GPD2: variants seen among roughly 807,000 people sequenced by gnomAD.
GPD2 encodes glycerol-3-phosphate dehydrogenase 2.
In GPD2, 54 loss-of-function variants were observed where a neutral mutation model predicts 82.4. That is an observed-to-expected ratio of 0.66 (90% CI 0.53 to 0.82). The LOEUF (loss-of-function observed/expected upper bound fraction) is 0.82, where lower values mean the gene tolerates loss of function less well. Among genes scored for constraint, GPD2 ranks in the 40% least tolerant of loss-of-function variants. The pLI is 0.00. For missense variants in GPD2, 748 were observed against 896.2 expected (o/e 0.83, Z 2.11); for synonymous variants, 288 against 306.1 (o/e 0.94, Z 0.62).
intron 6 of GPD2, among the ~76,000 whole-genome samples, chr2:156,544,219 C>G (rs1686437527): frequency 6.6e-6 from 1 of 152,110 alleles, no homozygotes. Context: ...GGCTTTAGCT[C>G]AGGGGGCTAC....
intron 1 of GPD2, among the ~76,000 whole-genome samples, chr2:156,437,955 C>G (rs1476914412): frequency 6.6e-6 from 1 of 152,132 alleles, no homozygotes; most frequent in Non-Finnish European, 1.5e-5. Context: ...TAACTCTGAA[C>G]TTATCCTGTT....
At position 156,569,681 on chromosome 2, in the gene GPD2, A is replaced by G. The variant is rs909192712; in HGVS notation, c.1476+143A>G. On this transcript the variant is annotated intron_variant, in intron 11 of 16. Transcript: ENST00000438166. ...TGCCAGTCTGTTATGGAAGGAAAAAAAGATGATCTTGCTTTGCTTTACTTG... is the reference window on the plus strand; with the variant it reads ...TGCCAGTCTGTTATGGAAGGAAAAAGAGATGATCTTGCTTTGCTTTACTTG... The G allele has an allele frequency of 1.6e-5, 12 of 733,368 alleles. No individual in the cohort carries two copies. The Admixed American group carries it at 2.5e-4, about 15-fold the overall frequency. The allele number at this position is 733,368 out of a possible 1,614,324, so 45.4% of individuals were successfully genotyped here.
At chr2:156,523,175 A>G (rs1031581679) in intron 6 of GPD2, among the ~76,000 whole-genome samples, 3 of 152,158 alleles carry the variant, frequency 2.0e-5, no homozygotes, top group Admixed American at 6.5e-5. Flanking sequence ...ATATAATGAT[A>G]TGTATCCACC....
At chr2:156,401,768 C>T in the GPD2 span, among the ~76,000 whole-genome samples, 2 of 152,120 alleles carry the variant, frequency 1.3e-5, no homozygotes, top group Non-Finnish European at 2.9e-5. Context: ...TCATTTAAGA[C>T]CCCTTTTAAC....
chr2:156,489,691 C>CCTTCCTTCCTTCCTTCCTTCCTTCCTT (rs1684081124), intron 2 of GPD2, among the ~76,000 whole-genome samples: 1 of 1,462 alleles, frequency 6.8e-4, no homozygotes, highest in Non-Finnish European at 1.7e-3. Flanking sequence ...CTTCCTTCTT[C>CCTTCCTTCCTTCCTTCCTTCCTTCCTT]CTTCCTTCCT....
At chr2:156,565,839 TTTA>T (rs1687368976) in intron 9 of GPD2, among the ~76,000 whole-genome samples, 1 of 152,066 alleles carries the variant, frequency 6.6e-6, no homozygotes, top group Non-Finnish European at 1.5e-5. Flanking sequence ...ATGGTTTTGT[TTTA>T]TTTTGTTTTG....
At chr2:156,484,282 C>G (rs997134930) in intron 2 of GPD2, among the ~76,000 whole-genome samples, 16 of 151,892 alleles carry the variant, frequency 1.1e-4, no homozygotes, top group African/African-American at 3.9e-4. Context: ...ATTACAGTCG[C>G]CTGCCACCAC....
At chr2:156,513,267 G>T in intron 5 of GPD2, 66 bp from the exon 6 acceptor site, 1 of 1,110,202 alleles carries the variant, frequency 9.0e-7, no homozygotes, top group Non-Finnish European at 1.4e-6. Flanking sequence ...GTCTTGTAGT[G>T]TAAGGTAATA....
In GPD2 at chr2:156,569,383, C is replaced by G; in HGVS notation, c.1321C>G (p.Arg441Gly). The change falls in exon 11 of 17, where the codon CGG (arginine) becomes GGG (glycine). Residue 441 changes from arginine (R) to glycine (G), a missense_variant. Physicochemically the swap from Arg to Gly is moderately radical, Grantham distance 125 (BLOSUM62 -2). Transcript: ENST00000438166. ...TATAGGTGGAAAGTGGACAACTTAT[C>G]GGTCTATGGCAGAAGATACCATAAA... is the stretch of plus-strand genomic sequence containing the variant. The part of the protein sequence containing the change: ...TIAGGKWTTY[R>G]SMAEDTINAA... 6.2e-7 allele frequency: 1 copy of G among 1,609,406 alleles called. No individual in the cohort carries two copies. The highest frequency in any genetic ancestry group is 1.1e-5 in the South Asian group (1 of 90,988).
chr2:156,414,952 G>A, the GPD2 span, among the ~76,000 whole-genome samples: 1 of 151,854 alleles, frequency 6.6e-6, no homozygotes, highest in Non-Finnish European at 1.5e-5. Context: ...GAGTTAATGG[G>A]CTCCTATTTC....
chr2:156,524,400 A>G (rs1685531248), intron 6 of GPD2, among the ~76,000 whole-genome samples: 2 of 152,122 alleles, frequency 1.3e-5, no homozygotes, highest in African/African-American at 4.8e-5. Context: ...GTCCTTCTAT[A>G]TAGTTATAGT....
At chr2:156,437,743 G>A (rs1682003004) in intron 1 of GPD2, among the ~76,000 whole-genome samples, 2 of 152,162 alleles carry the variant, frequency 1.3e-5, no homozygotes, top group Non-Finnish European at 1.5e-5. Flanking sequence ...CAGCATTAGA[G>A]CTCTGCTTCC....
At chr2:156,511,358 C>T (rs1186456523) in intron 4 of GPD2, among the ~76,000 whole-genome samples, 1 of 152,196 alleles carries the variant, frequency 6.6e-6, no homozygotes, top group Non-Finnish European at 1.5e-5. Flanking sequence ...TGATCTGAGT[C>T]ATGCTTTTCT....
At chr2:156,437,212 G>C (rs780296835) in intron 1 of GPD2, among the ~76,000 whole-genome samples, 2 of 152,244 alleles carry the variant, frequency 1.3e-5, no homozygotes, top group Non-Finnish European at 2.9e-5. Flanking sequence ...GGCAGCTATA[G>C]AAATAGCAGC....
intron 6 of GPD2, among the ~76,000 whole-genome samples, chr2:156,537,799 T>C (rs1308426407): frequency 6.6e-6 from 1 of 152,260 alleles, no homozygotes; most frequent in Non-Finnish European, 1.5e-5. Context: ...TATTGAATTA[T>C]CTTATTTTGA....
chr2:156,553,596 C>T (rs1338302762), intron 8 of GPD2, among the ~76,000 whole-genome samples: 1 of 151,964 alleles, frequency 6.6e-6, no homozygotes, highest in Admixed American at 6.6e-5. Context: ...TCTTATTCCC[C>T]CTACCTTTTG....
intron 8 of GPD2, among the ~76,000 whole-genome samples, chr2:156,553,341 A>G (rs1686836712): frequency 6.6e-6 from 1 of 152,074 alleles, no homozygotes; most frequent in Admixed American, 6.6e-5. Flanking sequence ...GAATCCTCCT[A>G]AATTTTTTAT....
chr2:156,464,787 A>G (rs1683094796), intron 1 of GPD2, among the ~76,000 whole-genome samples: 1 of 152,192 alleles, frequency 6.6e-6, no homozygotes, highest in African/African-American at 2.4e-5. Context: ...ATACTTCCCC[A>G]AATATATTTC....
intron 1 of GPD2, among the ~76,000 whole-genome samples, chr2:156,448,523 A>G (rs1558903039): frequency 1.3e-5 from 2 of 152,260 alleles, no homozygotes; most frequent in Admixed American, 6.5e-5. Flanking sequence ...TAATGCTTAA[A>G]TAAAGGAGAG....
Sources: allele counts gnomAD v4.1 joint callset (sites outside exome capture counted in the v4.1 genomes callset), GRCh38; gene constraint gnomAD v4.1.1; transcripts MANE v1.5; gene names NCBI Gene and HGNC (gene_info 2026-07-23, HGNC 2026-07-21).